Variants in MME observed in about 807,000 individuals in gnomAD.
MME encodes the protein membrane metalloendopeptidase.
MME carries 98 observed loss-of-function variants against 113.2 expected under a neutral mutation model. The ratio of observed to expected loss-of-function variants is 0.87; its 90% CI spans 0.74 to 1.02. The LOEUF (loss-of-function observed/expected upper bound fraction) is 1.02. MME is among the 50% of genes least tolerant of loss of function. The pLI, the probability that MME is intolerant of heterozygous loss-of-function variation, is 0.00. For synonymous variants in MME, 292 were observed against 300.6 expected (o/e 0.97, Z 0.30); for missense variants, 836 against 896.0 (o/e 0.93, Z 0.86).
intron 1 of MME, chr3:155,083,944 A>T: frequency 1.9e-6 from 1 of 522,738 alleles, no homozygotes; most frequent in Non-Finnish European, 3.4e-6. Context: ...AAACAACAGC[A>T]ACAAAAAACA....
chr3:155,089,868 G>A, intron 3 of MME: 2 of 452,770 alleles, frequency 4.4e-6, no homozygotes, highest in South Asian at 1.6e-5. Flanking sequence ...CCAGAGGGAG[G>A]AGAATTGCTT....
intron 1 of MME, among the ~76,000 whole-genome samples, chr3:155,043,209 C>T (rs960856670): frequency 6.6e-6 from 1 of 150,778 alleles, no homozygotes; most frequent in African/African-American, 2.4e-5. Context: ...TTTTATAATG[C>T]TATTTTAAAA....
At chr3:155,037,102 A>G (rs11925973) in intron 1 of MME, among the ~76,000 whole-genome samples, 1,984 of 152,316 alleles carry the variant, frequency 0.013, 42 homozygotes, top group African/African-American at 0.045. Flanking sequence ...GTCAGGCAGT[A>G]CTGCGCTGTC....
At chr3:155,092,128 C>T (rs1016210001) in intron 3 of MME, among the ~76,000 whole-genome samples, 5 of 152,230 alleles carry the variant, frequency 3.3e-5, no homozygotes, top group African/African-American at 1.2e-4. Flanking sequence ...GGATGATGCT[C>T]AGCCACAATG....
chr3:155,090,677 G>A (rs528211790), intron 3 of MME, among the ~76,000 whole-genome samples: 13 of 152,254 alleles, frequency 8.5e-5, no homozygotes, highest in African/African-American at 2.9e-4. Context: ...CATATGAGTT[G>A]TCTGTTTCTG....
rs993908599 is a variant in MME at position 155,142,015 on chromosome 3, A to C, written c.982A>C (p.Asn328His). 1.9e-6 allele frequency: 3 copies of C among 1,613,516 alleles called. No homozygotes were observed. In the African/African-American group the frequency reaches 4.0e-5, roughly 22 times the overall value. ...GKPFSWLNFT[N>H]EIMSTVNISI... ...GCCATTCAGCTGGTTGAATTTCACAAATGAAATCATGTCAACTGTGAATAT... is the reference window on the plus strand; with the variant it reads ...GCCATTCAGCTGGTTGAATTTCACACATGAAATCATGTCAACTGTGAATAT... The change falls in exon 11 of 23, where the codon AAT (asparagine) becomes CAT (histidine). Residue 328 changes from asparagine (N) to histidine (H), a missense_variant. Transcript: ENST00000360490.
intron 16 of MME, among the ~76,000 whole-genome samples, chr3:155,149,314 C>T (rs1233992232): frequency 6.6e-6 from 1 of 152,044 alleles, no homozygotes; most frequent in East Asian, 1.9e-4. Context: ...GACTTTTTCT[C>T]CCTAGGCTCT....
At chr3:155,058,340 C>T (rs1714010755) in intron 1 of MME, among the ~76,000 whole-genome samples, 1 of 152,198 alleles carries the variant, frequency 6.6e-6, no homozygotes, top group Non-Finnish European at 1.5e-5. Flanking sequence ...GTCCTATTTA[C>T]TCTTCACTCC....
rs564553428 is a variant in MME, at chr3:155,058,616, A to G, written c.-10-25542A>G. ...GAAAAGCCTAAGGAAAAAATATTAA[A>G]AAAGGCAACATTGGAATTGAATGTA... On this transcript the variant is annotated intron_variant, in intron 1 of 22. Transcript: ENST00000492661. 8.5e-5 allele frequency among the ~76,000 whole-genome samples: 13 copies of G among 152,330 alleles called. 1 individual carries two copies. The highest frequency in any genetic ancestry group is 3.1e-4 in the African/African-American group (13 of 41,576).
chr3:155,096,485 T>C (rs915207368), intron 3 of MME, among the ~76,000 whole-genome samples: 12 of 152,110 alleles, frequency 7.9e-5, no homozygotes, highest in African/African-American at 2.9e-4. Context: ...TAAGCAGGAA[T>C]TGGATTTTGT....
intron 10 of MME, among the ~76,000 whole-genome samples, chr3:155,141,255 T>TA (rs1299750672): frequency 6.6e-6 from 1 of 152,190 alleles, no homozygotes; most frequent in Non-Finnish European, 1.5e-5. Flanking sequence ...TAAATACGTT[T>TA]TGAAAGAATG....
In MME at chr3:155,157,850, G is replaced by A. The variant is rs574243978; in HGVS notation, c.1602-2540G>A. On this transcript the variant is annotated intron_variant, in intron 16 of 22. Coordinates refer to ENST00000360490, the MANE Select transcript of MME (RefSeq NM_007289.4). Reference sequence around the variant, plus strand: ...TCTAATTTTATTTGAATGTTTGGTGGTCATAAATAGCTACCTATTTTCTTT... The same window carrying A: ...TCTAATTTTATTTGAATGTTTGGTGATCATAAATAGCTACCTATTTTCTTT... 2.6e-5 allele frequency among the ~76,000 whole-genome samples: 4 copies of A among 152,228 alleles called. No homozygotes were observed. The East Asian group carries it at 7.7e-4, about 29-fold the overall frequency.
intron 3 of MME, among the ~76,000 whole-genome samples, chr3:155,101,518 G>T (rs1717222081): frequency 6.6e-6 from 1 of 152,140 alleles, no homozygotes; most frequent in Non-Finnish European, 1.5e-5. Context: ...CCCAGCTCTA[G>T]TAAATGGGTT....
In MME at chr3:155,052,107, T is replaced by C. The variant is rs531706700; in HGVS notation, c.-11+27783T>C. On this transcript the variant is annotated intron_variant, in intron 1 of 22. Coordinates refer to the MME transcript ENST00000492661. ...GACTCCACATCTCATATCCAGGTCA[T>C]GCTGATGTAAGAGGTGGGCTTCCAC... is the stretch of plus-strand genomic sequence containing the variant. Among the ~76,000 whole-genome samples the C allele has an allele frequency of 6.6e-5, 10 of 152,294 alleles. No individual in the cohort carries two copies. The East Asian group carries it at 1.4e-3, about 21-fold the overall frequency.
At chr3:155,052,375 G>A (rs566246954) in intron 1 of MME, among the ~76,000 whole-genome samples, 1 of 152,330 alleles carries the variant, frequency 6.6e-6, no homozygotes, top group South Asian at 2.1e-4. Flanking sequence ...CCCTAGAAGA[G>A]GTTCTCCATG....
At chr3:155,106,791 A>C (rs1576590843) in intron 3 of MME, among the ~76,000 whole-genome samples, 2 of 152,228 alleles carry the variant, frequency 1.3e-5, no homozygotes, top group Non-Finnish European at 2.9e-5. Flanking sequence ...CTAATAAAGC[A>C]AGGATTTACA....
intron 1 of MME, among the ~76,000 whole-genome samples, chr3:155,025,565 G>A (rs1195628708): frequency 5.3e-5 from 8 of 149,630 alleles, no homozygotes; most frequent in South Asian, 2.1e-4. Flanking sequence ...CAGAGGTTGC[G>A]GTGAGCCGAG....
intron 3 of MME, chr3:155,085,553 A>T (rs1715622241): frequency 6.5e-6 from 1 of 152,678 alleles, no homozygotes; most frequent in Non-Finnish European, 1.5e-5. Flanking sequence ...ATATTTTGAG[A>T]CAGAGTCTCG....
chr3:155,079,307 TGAGAA>T (rs2108152222), upstream of MME, among the ~76,000 whole-genome samples: 1 of 152,108 alleles, frequency 6.6e-6, no homozygotes, highest in South Asian at 2.1e-4. Flanking sequence ...AAGAAGAGCG[TGAGAA>T]GAGGCAAGCA....
Sources: allele counts gnomAD v4.1 joint callset (sites outside exome capture counted in the v4.1 genomes callset), GRCh38; gene constraint gnomAD v4.1.1; transcripts MANE v1.5; gene names NCBI Gene and HGNC (gene_info 2026-07-23, HGNC 2026-07-21).